Variants in SS18L2 observed in about 807,000 individuals in gnomAD.
The protein encoded by SS18L2 is SS18 like 2, also known as SS18-like protein 2.
In SS18L2, 8 loss-of-function variants were observed where a neutral mutation model predicts 10.3. That is an observed-to-expected ratio of 0.78 (90% CI 0.46 to 1.41). The LOEUF (loss-of-function observed/expected upper bound fraction) is 1.41. SS18L2 is among the 40% of genes most tolerant of loss of function. The pLI is 0.00. For missense variants in SS18L2, 100 were observed against 96.2 expected, an observed-to-expected ratio of 1.04 and a Z score of -0.17; for synonymous variants, 41 against 34.6, an observed-to-expected ratio of 1.19 and a Z score of -0.65.
At chr3:42,590,600 C>T (rs1033536480), upstream of SS18L2, among the ~76,000 whole-genome samples, 3 of 151,278 alleles carry the variant, frequency 2.0e-5, no homozygotes, top group African/African-American at 7.3e-5. Context: ...AAAAAAAAAG[C>T]ATGCACAGCC....
At chr3:42,590,796 C>T, upstream of SS18L2, 3 of 1,212,318 alleles carry the variant, frequency 2.5e-6, no homozygotes, top group Non-Finnish European at 3.7e-6. Context: ...CCCTTCTGTA[C>T]CCCGCCCTGT....
intron 1 of SS18L2, among the ~76,000 whole-genome samples, chr3:42,585,697 T>C (rs1704587779): frequency 6.6e-6 from 1 of 152,204 alleles, no homozygotes; most frequent in Non-Finnish European, 1.5e-5. Context: ...GTAACACCCA[T>C]CTGGCAGCAC....
upstream of SS18L2, among the ~76,000 whole-genome samples, chr3:42,586,631 T>C (rs528513274): frequency 2.6e-4 from 39 of 151,616 alleles, no homozygotes; most frequent in African/African-American, 9.2e-4. Flanking sequence ...GGTTTTCCTC[T>C]TCCTATATCT....
Position 42,592,873 on chromosome 3 carries a change from C to T in SS18L2, c.146+1272C>T, listed in dbSNP as rs543441169. Reference sequence around the variant, plus strand: ...TTTTTGGGTGAAGAACTCTACCCCCCCCACCGTAAACTTATGTTGATCATG... The same window carrying T: ...TTTTTGGGTGAAGAACTCTACCCCCTCCACCGTAAACTTATGTTGATCATG... On this transcript the variant is annotated intron_variant, in intron 2 of 2. Coordinates refer to ENST00000011691, the MANE Select transcript of SS18L2 (RefSeq NM_001370300.1). 4.6e-5 allele frequency among the ~76,000 whole-genome samples: 7 copies of T among 152,216 alleles called. No homozygotes were observed. The South Asian group carries it at 1.2e-3, about 27-fold the overall frequency.
chr3:42,584,277 C>T lies in SS18L2; in HGVS notation c.-90+2319C>T, dbSNP rs528310015. The stretch of plus-strand genomic sequence containing the variant: ...GGCTGAACACAGACTTTTTTTGAGG[C>T]TGAGTCTCACTCTGTGGCCTAGGTT... On this transcript the variant is annotated intron_variant, in intron 1 of 3. Coordinates refer to the SS18L2 transcript ENST00000447630. Among the ~76,000 whole-genome samples, 81 of 152,290 alleles carry T rather than the reference C, an allele frequency of 5.3e-4. 3 individuals carry two copies. In the South Asian group the frequency reaches 0.016, roughly 30 times the overall value.
intron 1 of SS18L2, among the ~76,000 whole-genome samples, chr3:42,583,003 G>T (rs1046247027): frequency 2.6e-5 from 4 of 152,188 alleles, no homozygotes; most frequent in African/African-American, 9.7e-5. Flanking sequence ...ACTTAAAAAT[G>T]GTTATGTACA....
At chr3:42,586,610 C>T (rs1704619940), upstream of SS18L2, among the ~76,000 whole-genome samples, 1 of 151,844 alleles carries the variant, frequency 6.6e-6, no homozygotes, top group Non-Finnish European at 1.5e-5. Context: ...AGCCATAACC[C>T]CCACTCTCCT....
chr3:42,583,195 A>C (rs1308769995), intron 1 of SS18L2, among the ~76,000 whole-genome samples: 1 of 152,260 alleles, frequency 6.6e-6, no homozygotes, highest in Non-Finnish European at 1.5e-5. Context: ...GCTAAAGTGC[A>C]GATCAAAATG....
chr3:42,589,040 G>A (rs145658144), upstream of SS18L2, among the ~76,000 whole-genome samples: 2,583 of 152,006 alleles, frequency 0.017, 30 homozygotes, highest in Admixed American at 0.031. Context: ...CGAAGCGGGC[G>A]GATCACGAGG....
chr3:42,594,339 A>G (rs1392891633), intron 2 of SS18L2, 83 bp from the exon 3 acceptor site: 1 of 1,038,876 alleles, frequency 9.6e-7, no homozygotes, highest in Non-Finnish European at 1.5e-6. Flanking sequence ...CCATTCCACT[A>G]GAGTGGGTAA....
At chr3:42,591,734 C>G (rs1467190077) in intron 2 of SS18L2, 133 bp downstream of exon 2, 2 of 696,600 alleles carry the variant, frequency 2.9e-6, no homozygotes, top group African/African-American at 3.5e-5. Flanking sequence ...GAAAGAGAGG[C>G]TCAAAGAGTT....
Position 42,594,549 on chromosome 3 carries a change from G to GGATGTAATTGGA in SS18L2, c.*40_*41insGATGTAATTGGA. On this transcript the variant is annotated 3_prime_UTR_variant, in exon 3 of 3. Transcript: ENST00000011691. ...TAGAATAATCTTCCATTTGGCTGTC[G>GGATGTAATTGGA]TGAGGAGTAATTGAATGTAATCCAT... 1 of 1,543,534 alleles carries GGATGTAATTGGA rather than the reference G, an allele frequency of 6.5e-7. No homozygotes were observed. Among genetic ancestry groups the GGATGTAATTGGA allele is most frequent in the Non-Finnish European group, 8.9e-7 (1 of 1,117,594 alleles).
chr3:42,594,572 C>T lies in SS18L2; in HGVS notation c.*63C>T. 1 of 1,391,150 alleles carries T rather than the reference C, an allele frequency of 7.2e-7. No individual in the cohort carries two copies. The highest frequency in any genetic ancestry group is 1.2e-5 in the South Asian group (1 of 84,086). 86.2% of individuals were successfully genotyped at this position (1,391,150 alleles called of 1,614,324 possible). On this transcript the variant is annotated 3_prime_UTR_variant, in exon 3 of 3. Coordinates refer to ENST00000011691, the MANE Select transcript of SS18L2 (RefSeq NM_001370300.1). ...TCGTGAGGAGTAATTGAATGTAATC[C>T]ATCTCTTACAAAATGGAGACAGGGT...
At chr3:42,581,853 G>C (rs1281694911) in exon 1 of SS18L2, 1 of 152,232 alleles carries the variant, frequency 6.6e-6, no homozygotes, top group Non-Finnish European at 1.5e-5. Context: ...CACCTCGCCC[G>C]GACGGCGGCC....
chr3:42,591,585 G>T lies in SS18L2; in HGVS notation c.130G>T (p.Gly44Trp). Residue 44 changes from glycine (G) to tryptophan (W), a missense_variant, in exon 2 of 3, where the codon GGG (glycine) becomes TGG (tryptophan). Physicochemically the swap from Gly to Trp is radical, Grantham distance 184 (BLOSUM62 -2). Transcript: ENST00000011691. ...TGTGGAGTATCAGAACAAGGGCCGC[G>T]GGAACGAGTGCGTGCAGTAAGTACC... ...CIVEYQNKGR[G>W]NECVQYQHVL... 6.2e-7 allele frequency: 1 copy of T among 1,613,544 alleles called. No homozygotes were observed. The highest frequency in any genetic ancestry group is 8.5e-7 in the Non-Finnish European group (1 of 1,179,506).
upstream of SS18L2, among the ~76,000 whole-genome samples, chr3:42,587,949 T>C (rs544190749): frequency 4.7e-4 from 72 of 151,764 alleles, no homozygotes; most frequent in East Asian, 0.012. Context: ...GGTGCATGCC[T>C]GTAATCCTGG....
chr3:42,582,559 T>C (rs570426521), intron 1 of SS18L2, among the ~76,000 whole-genome samples: 2 of 152,360 alleles, frequency 1.3e-5, no homozygotes, highest in African/African-American at 4.8e-5. Context: ...ATTGAGCACC[T>C]GCTATGTGCC....
upstream of SS18L2, among the ~76,000 whole-genome samples, chr3:42,586,354 C>T (rs1173742176): frequency 6.6e-6 from 1 of 152,154 alleles, no homozygotes; most frequent in African/African-American, 2.4e-5. Flanking sequence ...TCCCAAGTAG[C>T]TGGGACTACA....
At chr3:42,585,549 G>A (rs1445134180) in intron 1 of SS18L2, among the ~76,000 whole-genome samples, 1 of 152,164 alleles carries the variant, frequency 6.6e-6, no homozygotes, top group Non-Finnish European at 1.5e-5. Context: ...CCTCTACTTT[G>A]TTTTATTTAT....
Sources: gnomAD v4.1 joint callset for allele counts (sites outside exome capture counted in the v4.1 genomes callset) on GRCh38, gnomAD v4.1.1 for gene constraint, MANE v1.5 for transcripts, NCBI Gene and HGNC (gene_info 2026-07-23, HGNC 2026-07-21) for gene names.